The following CSGALNACT1 variants were observed in gnomAD, a reference collection of about 807,000 sequenced individuals.
CSGALNACT1 encodes beta4GalNAcT-1.
A neutral mutation model predicts 51.0 loss-of-function variants in CSGALNACT1; 52 were observed. The observed-to-expected ratio is 1.02, with a 90% CI of 0.82 to 1.29. The LOEUF is 1.29. Ranked by LOEUF, CSGALNACT1 falls within the 50% of genes most tolerant of loss-of-function variation. CSGALNACT1 has a pLI of 0.00. For missense variants in CSGALNACT1, 935 were observed against 679.2 expected, an observed-to-expected ratio of 1.38 and a Z score of -4.19; for synonymous variants, 341 against 254.4, an observed-to-expected ratio of 1.34 and a Z score of -3.24.
At chr8:19,633,286 T>C (rs2055554839) in intron 1 of CSGALNACT1, among the ~76,000 whole-genome samples, 1 of 152,100 alleles carries the variant, frequency 6.6e-6, no homozygotes, top group Non-Finnish European at 1.5e-5. Context: ...ATTTGATTTT[T>C]GTGATCCTTT....
At chr8:19,436,918 T>C (rs1017771867) in intron 6 of CSGALNACT1, among the ~76,000 whole-genome samples, 1 of 152,288 alleles carries the variant, frequency 6.6e-6, no homozygotes, top group Admixed American at 6.5e-5. Flanking sequence ...CTCAAAAATA[T>C]ACAAAACACA....
chr8:19,459,290 G>A (rs2064833061), intron 4 of CSGALNACT1, among the ~76,000 whole-genome samples: 1 of 150,332 alleles, frequency 6.7e-6, no homozygotes, highest in African/African-American at 2.5e-5. Flanking sequence ...GGCTGAGGCA[G>A]GAGAATCGCT....
intron 1 of CSGALNACT1, among the ~76,000 whole-genome samples, chr8:19,717,293 T>G (rs2062864049): frequency 6.6e-6 from 1 of 152,174 alleles, no homozygotes; most frequent in African/African-American, 2.4e-5. Context: ...AGAGGCAAGG[T>G]GCAAACAAGT....
At chr8:19,453,173 G>A (rs2063502375) in intron 5 of CSGALNACT1, among the ~76,000 whole-genome samples, 1 of 152,138 alleles carries the variant, frequency 6.6e-6, no homozygotes, top group Admixed American at 6.6e-5. Context: ...GAAAGAAAAT[G>A]TAACTCAAAC....
chr8:19,750,334 G>C (rs2064952222), intron 1 of CSGALNACT1, among the ~76,000 whole-genome samples: 2 of 152,148 alleles, frequency 1.3e-5, no homozygotes, highest in African/African-American at 2.4e-5. Flanking sequence ...GGAAGAACCA[G>C]AAAACGACAT....
At chr8:19,653,511 C>T (rs554153525) in intron 1 of CSGALNACT1, among the ~76,000 whole-genome samples, 38 of 152,234 alleles carry the variant, frequency 2.5e-4, no homozygotes, top group Admixed American at 3.9e-4. Context: ...TCTTCAGCTG[C>T]GGCCAGGTGC....
chr8:19,484,062 C>T (rs1242746777), intron 4 of CSGALNACT1, among the ~76,000 whole-genome samples: 2 of 152,162 alleles, frequency 1.3e-5, no homozygotes, highest in African/African-American at 2.4e-5. Context: ...CCCAAACAGC[C>T]CTCCCTCCAC....
chr8:19,461,860 C>T lies in CSGALNACT1; in HGVS notation c.635-3218G>A, dbSNP rs531468831. ...TGTATCTGCACAGCAGCCACATTCA[C>T]CATGGAGGGCGTATCCACACAGCAG... On this transcript the variant is annotated intron_variant, in intron 4 of 9. Transcript: ENST00000454498. 1.0e-4 allele frequency among the ~76,000 whole-genome samples: 15 copies of T among 148,428 alleles called. 1 individual carries two copies. The highest frequency in any genetic ancestry group is 3.6e-4 in the African/African-American group (15 of 41,206).
chr8:19,570,113 A>C (rs1193155828), intron 3 of CSGALNACT1, among the ~76,000 whole-genome samples: 2 of 151,338 alleles, frequency 1.3e-5, no homozygotes, highest in African/African-American at 4.9e-5. Flanking sequence ...TTGGTTCTAG[A>C]AGTGGTCTAC....
chr8:19,571,078 C>T (rs539323806), intron 3 of CSGALNACT1, among the ~76,000 whole-genome samples: 2 of 152,232 alleles, frequency 1.3e-5, no homozygotes, highest in African/African-American at 4.8e-5. Context: ...CTCAGGTGAT[C>T]TCCCACCTCA....
At chr8:19,720,967 C>G (rs1434400715) in intron 1 of CSGALNACT1, among the ~76,000 whole-genome samples, 1 of 152,190 alleles carries the variant, frequency 6.6e-6, no homozygotes, top group Non-Finnish European at 1.5e-5. Context: ...AGGAGCTGCA[C>G]AGCCAGGACA....
chr8:19,598,883 T>C (rs1407346481), intron 2 of CSGALNACT1, among the ~76,000 whole-genome samples: 1 of 152,220 alleles, frequency 6.6e-6, no homozygotes, highest in Non-Finnish European at 1.5e-5. Flanking sequence ...TTTCCATTCA[T>C]TCACTCGCTC....
exon 7 of CSGALNACT1, chr8:19,420,444 C>T (rs770646955): frequency 6.2e-7 from 1 of 1,614,202 alleles, no homozygotes; most frequent in Non-Finnish European, 8.5e-7. Context: ...GAAGCGGGCT[C>T]CAACATCAAG....
At chr8:19,684,850 T>G (rs961066005), upstream of CSGALNACT1, among the ~76,000 whole-genome samples, 25 of 152,250 alleles carry the variant, frequency 1.6e-4, no homozygotes, top group African/African-American at 6.0e-4. Context: ...TTTCTCATTC[T>G]AAGTAAATAT....
At chr8:19,641,798 C>A (rs997822609) in intron 1 of CSGALNACT1, 5 of 152,182 alleles carry the variant, frequency 3.3e-5, no homozygotes, top group African/African-American at 1.2e-4. Context: ...AGGTGACCCC[C>A]AAATGCCTTC....
intron 1 of CSGALNACT1, among the ~76,000 whole-genome samples, chr8:19,711,720 A>T (rs10100541): frequency 0.019 from 2,894 of 152,272 alleles, 102 homozygotes; most frequent in African/African-American, 0.067. Context: ...TGACCAGAGC[A>T]TCATCCCAAT....
intron 1 of CSGALNACT1, among the ~76,000 whole-genome samples, chr8:19,724,973 C>A (rs939538435): frequency 6.6e-6 from 1 of 152,212 alleles, no homozygotes; most frequent in Non-Finnish European, 1.5e-5. Context: ...TCTGAGAGCC[C>A]TGCTGCCCCT....
intron 3 of CSGALNACT1, among the ~76,000 whole-genome samples, chr8:19,535,244 A>C (rs2083513223): frequency 6.6e-6 from 1 of 152,224 alleles, no homozygotes; most frequent in African/African-American, 2.4e-5. Context: ...TAATTTTATG[A>C]AATCTGGCTC....
chr8:19,570,380 A>G (rs2042760023), intron 3 of CSGALNACT1, among the ~76,000 whole-genome samples: 1 of 152,186 alleles, frequency 6.6e-6, no homozygotes, highest in African/African-American at 2.4e-5. Context: ...AACCAATCCA[A>G]CAAAGAATTG....
Sources: allele counts gnomAD v4.1 joint callset (sites outside exome capture counted in the v4.1 genomes callset), GRCh38; gene constraint gnomAD v4.1.1; transcripts MANE v1.5; gene names NCBI Gene and HGNC (gene_info 2026-07-23, HGNC 2026-07-21).